SNTG1: variants seen among roughly 807,000 people sequenced by gnomAD.
SNTG1 encodes the protein syntrophin gamma 1, also known as gamma-1-syntrophin.
Under a neutral mutation model 74.7 loss-of-function variants are expected in SNTG1, and 39 were observed. The observed-to-expected ratio is 0.52, with a 90% CI of 0.40 to 0.68. The LOEUF is 0.68. SNTG1 is among the 30% of genes least tolerant of loss of function. The probability of loss-of-function intolerance (pLI) is 0.00; values close to 1 mark genes in which losing one functional copy is unlikely to be tolerated. For synonymous variants in SNTG1, 254 were observed against 217.1 expected, an observed-to-expected ratio of 1.17 and a Z score of -1.49; for missense variants, 685 against 609.5, an observed-to-expected ratio of 1.12 and a Z score of -1.30.
In SNTG1 at chr8:50,605,805, G is replaced by A. The variant is rs191355555; in HGVS notation, c.849+14888G>A. Among the ~76,000 whole-genome samples the A allele has an allele frequency of 2.6e-5, 4 of 152,000 alleles. No homozygotes were observed. The East Asian group carries it at 7.7e-4, about 29-fold the overall frequency. ...CTGTTGGGGAGAGGGGATTATCCACGGAGGCTTTTATTCAGCCATCTTGCT... is the reference window on the plus strand; with the variant it reads ...CTGTTGGGGAGAGGGGATTATCCACAGAGGCTTTTATTCAGCCATCTTGCT... On this transcript the variant is annotated intron_variant, in intron 13 of 18. Transcript: ENST00000642720.
chr8:50,452,559 G>A (rs900582201), intron 8 of SNTG1, among the ~76,000 whole-genome samples: 3 of 152,138 alleles, frequency 2.0e-5, no homozygotes, highest in African/African-American at 7.2e-5. Flanking sequence ...AAACTGAGAT[G>A]GAGCTTTGAT....
In SNTG1 at chr8:50,672,976, G is replaced by T. The variant is rs557601600; in HGVS notation, c.1038+14313G>T. Among the ~76,000 whole-genome samples, 5 of 152,268 alleles carry T rather than the reference G, an allele frequency of 3.3e-5. No homozygotes were observed. In the South Asian group the frequency reaches 1.0e-3, roughly 32 times the overall value. ...TCCCATGCTTGTTTTTGTCAGGTTTGTCGAAGATCAGACAGTTATAGATGT... is the reference window on the plus strand; with the variant it reads ...TCCCATGCTTGTTTTTGTCAGGTTTTTCGAAGATCAGACAGTTATAGATGT... On this transcript the variant is annotated intron_variant, in intron 15 of 18. Coordinates refer to ENST00000642720, the MANE Select transcript of SNTG1 (RefSeq NM_018967.5).
At chr8:49,940,372 T>G (rs1360521586) in intron 1 of SNTG1, among the ~76,000 whole-genome samples, 2 of 152,172 alleles carry the variant, frequency 1.3e-5, no homozygotes, top group East Asian at 3.9e-4. Context: ...AGCGAAAAAG[T>G]AGATTTTCCT....
chr8:50,685,570 T>C (rs760586319), intron 15 of SNTG1, among the ~76,000 whole-genome samples: 1 of 152,198 alleles, frequency 6.6e-6, no homozygotes, highest in Non-Finnish European at 1.5e-5. Context: ...AACCTTAATT[T>C]TTTCAAAGGC....
intron 18 of SNTG1, among the ~76,000 whole-genome samples, chr8:50,765,580 A>C (rs2095611600): frequency 6.6e-6 from 1 of 152,000 alleles, no homozygotes; most frequent in South Asian, 2.1e-4. Flanking sequence ...GGAATAAGGA[A>C]AAGTACATCT....
chr8:50,561,561 C>A (rs1563578276), intron 12 of SNTG1, among the ~76,000 whole-genome samples: 1 of 151,920 alleles, frequency 6.6e-6, no homozygotes. Context: ...AAGTTTAATG[C>A]ACTAGGAAAC....
intron 2 of SNTG1, among the ~76,000 whole-genome samples, chr8:50,194,365 C>A (rs1475426190): frequency 6.6e-6 from 1 of 152,022 alleles, no homozygotes; most frequent in Non-Finnish European, 1.5e-5. Flanking sequence ...TTGTTCTGTT[C>A]AGGGTATCTA....
intron 1 of SNTG1, among the ~76,000 whole-genome samples, chr8:49,945,154 C>T (rs1304435720): frequency 6.6e-6 from 1 of 151,912 alleles, no homozygotes; most frequent in Non-Finnish European, 1.5e-5. Flanking sequence ...GATTTAGTAC[C>T]CTACTTAAGA....
chr8:49,963,326 G>A (rs1210941173), intron 1 of SNTG1, among the ~76,000 whole-genome samples: 2 of 152,296 alleles, frequency 1.3e-5, no homozygotes, highest in East Asian at 3.9e-4. Flanking sequence ...ACTAGTGTTG[G>A]AAAATGTCTT....
intron 11 of SNTG1, among the ~76,000 whole-genome samples, chr8:50,538,774 G>A (rs985486129): frequency 6.6e-6 from 1 of 151,936 alleles, no homozygotes; most frequent in Non-Finnish European, 1.5e-5. Flanking sequence ...CACTTGATTA[G>A]TCCCGCTTTC....
At chr8:50,593,717 CT>C (rs1183759564) in intron 13 of SNTG1, among the ~76,000 whole-genome samples, 409 of 135,994 alleles carry the variant, frequency 3.0e-3, no homozygotes, top group Non-Finnish European at 3.3e-3. Context: ...TGATTTGGTT[CT>C]TTTTTTTTTT....
intron 8 of SNTG1, among the ~76,000 whole-genome samples, chr8:50,460,678 G>A (rs1297129349): frequency 2.0e-5 from 3 of 152,050 alleles, no homozygotes; most frequent in Admixed American, 2.0e-4. Context: ...GAAAGGTAGG[G>A]GTCCAGTTTC....
chr8:50,778,923 G>T (rs925831164), intron 18 of SNTG1, among the ~76,000 whole-genome samples: 1 of 152,030 alleles, frequency 6.6e-6, no homozygotes, highest in Non-Finnish European at 1.5e-5. Context: ...TCCACATATC[G>T]CTAGCCAGTT....
intron 8 of SNTG1, among the ~76,000 whole-genome samples, chr8:50,489,711 C>T (rs1427167238): frequency 6.6e-6 from 1 of 151,972 alleles, no homozygotes; most frequent in Non-Finnish European, 1.5e-5. Flanking sequence ...AAATTTTCTC[C>T]CATTCTGTAG....
At chr8:50,541,234 A>T (rs971638397) in intron 11 of SNTG1, among the ~76,000 whole-genome samples, 1 of 136,270 alleles carries the variant, frequency 7.3e-6, no homozygotes, top group African/African-American at 3.2e-5. Context: ...TTCACCACTA[A>T]GATTTTACCT....
At chr8:49,968,907 G>A (rs558035185) in intron 1 of SNTG1, among the ~76,000 whole-genome samples, 3 of 152,244 alleles carry the variant, frequency 2.0e-5, no homozygotes, top group South Asian at 2.1e-4. Flanking sequence ...GGCAAAGGGC[G>A]ATACTGAGGC....
At chr8:50,500,105 A>G (rs1048894023) in intron 8 of SNTG1, among the ~76,000 whole-genome samples, 4 of 152,034 alleles carry the variant, frequency 2.6e-5, no homozygotes, top group Non-Finnish European at 5.9e-5. Flanking sequence ...CTGTCATCCA[A>G]TTGGAGAAAT....
Position 50,268,902 on chromosome 8 carries a change from G to A in SNTG1, c.-28+96267G>A, listed in dbSNP as rs575229235. On this transcript the variant is annotated intron_variant, in intron 2 of 18. Transcript: ENST00000642720. ...TCAAACTCCTGGCCTCAAGTGATAT[G>A]TCTGCCTCGGCCTCCTAAAGTGCTG... Among the ~76,000 whole-genome samples the A allele has an allele frequency of 3.9e-5, 6 of 152,160 alleles. No individual in the cohort carries two copies. The East Asian group carries it at 1.2e-3, about 30-fold the overall frequency.
chr8:50,119,045 G>A (rs978698251), intron 1 of SNTG1, among the ~76,000 whole-genome samples: 1 of 140,690 alleles, frequency 7.1e-6, no homozygotes, highest in Admixed American at 7.4e-5. Context: ...TGTGGTGGAG[G>A]CACACAGCTG....
Sources: gnomAD v4.1 joint callset for allele counts (sites outside exome capture counted in the v4.1 genomes callset) on GRCh38, gnomAD v4.1.1 for gene constraint, MANE v1.5 for transcripts, NCBI Gene and HGNC (gene_info 2026-07-23, HGNC 2026-07-21) for gene names.